Variants in ABCC1 observed in about 807,000 individuals in gnomAD.
ABCC1 encodes multidrug resistance-associated protein 1.
In ABCC1, 83 loss-of-function variants were observed where a neutral mutation model predicts 172.9. The observed-to-expected ratio is 0.48, with a 90% CI of 0.40 to 0.58. The LOEUF (loss-of-function observed/expected upper bound fraction) is 0.58. Among genes scored for constraint, ABCC1 ranks in the 20% least tolerant of loss-of-function variants. ABCC1 has a pLI of 0.00. For synonymous variants in ABCC1, 937 were observed against 825.2 expected (o/e 1.14, Z -2.32); for missense variants, 1,817 against 2,002.7 (o/e 0.91, Z 1.77).
chr16:16,017,623 G>A (rs1414393663), intron 5 of ABCC1, among the ~76,000 whole-genome samples: 1 of 151,724 alleles, frequency 6.6e-6, no homozygotes, highest in South Asian at 2.1e-4. Flanking sequence ...ATGGGGAGAT[G>A]GTCTCAAACC....
At chr16:16,088,364 G>C (rs2051102782) in intron 18 of ABCC1, among the ~76,000 whole-genome samples, 2 of 152,184 alleles carry the variant, frequency 1.3e-5, no homozygotes, top group Non-Finnish European at 2.9e-5. Context: ...AGAATGTCTT[G>C]AACCCGGGAC....
intron 17 of ABCC1, among the ~76,000 whole-genome samples, chr16:16,084,778 G>A (rs1473117359): frequency 3.9e-5 from 6 of 152,056 alleles, no homozygotes; most frequent in Non-Finnish European, 5.9e-5. Flanking sequence ...CTGCCACCAC[G>A]CACAGCTAAT....
chr16:16,047,979 A>G (rs1015335290), intron 9 of ABCC1, among the ~76,000 whole-genome samples, 163 bp from the exon 10 acceptor site: 7 of 152,136 alleles, frequency 4.6e-5, no homozygotes, highest in African/African-American at 7.2e-5. Flanking sequence ...GGGCTTTGAG[A>G]TGACACAGGC....
At chr16:16,045,643 C>T (rs2049174737) in intron 8 of ABCC1, among the ~76,000 whole-genome samples, 193 bp from the exon 9 acceptor site, 1 of 152,124 alleles carries the variant, frequency 6.6e-6, no homozygotes. Context: ...AGGCAGAGGC[C>T]TCTTTTATGA....
intron 25 of ABCC1, 111 bp from the exon 26 acceptor site, chr16:16,125,699 C>G: frequency 2.7e-6 from 2 of 733,840 alleles, no homozygotes; most frequent in Non-Finnish European, 4.4e-6. Context: ...TCCCATAATT[C>G]ATACTTGTTG....
At chr16:16,084,520 C>T (rs1312953295) in intron 17 of ABCC1, among the ~76,000 whole-genome samples, 3 of 148,604 alleles carry the variant, frequency 2.0e-5, no homozygotes, top group Middle Eastern at 3.5e-3. Context: ...CCTGCCACCA[C>T]GCACAGCTAA....
chr16:16,060,897 A>G (rs950712537), intron 12 of ABCC1, among the ~76,000 whole-genome samples: 1 of 151,868 alleles, frequency 6.6e-6, no homozygotes, highest in Non-Finnish European at 1.5e-5. Flanking sequence ...GCTCACTGCA[A>G]TCTCTGCCTC....
chr16:15,971,995 T>C lies in ABCC1; in HGVS notation c.48+22196T>C, dbSNP rs75233215. On this transcript the variant is annotated intron_variant, in intron 1 of 30. Coordinates refer to ENST00000399410, the MANE Select transcript of ABCC1 (RefSeq NM_004996.4). ...GAGACGGAACCTCCAGGAGTTGATTTTATAAATAAAATAACATGCGTTGAG... is the reference window on the plus strand; with the variant it reads ...GAGACGGAACCTCCAGGAGTTGATTCTATAAATAAAATAACATGCGTTGAG... 1.3e-3 allele frequency among the ~76,000 whole-genome samples: 201 copies of C among 152,262 alleles called. 1 individual carries two copies. Among genetic ancestry groups the C allele is most frequent in the African/African-American group, 4.6e-3 (193 of 41,560 alleles).
At chr16:16,087,792 T>G (rs1009019381) in intron 18 of ABCC1, among the ~76,000 whole-genome samples, 1 of 152,016 alleles carries the variant, frequency 6.6e-6, no homozygotes, top group African/African-American at 2.4e-5. Flanking sequence ...CACATCCCCA[T>G]GGGGGGCATA....
chr16:16,122,161 A>G lies in ABCC1; in HGVS notation c.3577A>G (p.Ile1193Val). The G allele has an allele frequency of 6.2e-7, 1 of 1,614,186 alleles. No homozygotes were observed. Among genetic ancestry groups the G allele is most frequent in the Non-Finnish European group, 8.5e-7 (1 of 1,180,022 alleles). The stretch of plus-strand genomic sequence containing the variant: ...GAACCAGAAGGCCTATTACCCCAGC[A>G]TCGTGGCCAACAGGTGGGCATGGTG... ...DENQKAYYPS[I>V]VANRWLAVRL... Residue 1193 changes from isoleucine to valine, a missense_variant, in exon 24 of 31, where the codon ATC becomes GTC. Transcript: ENST00000399410.
chr16:16,035,733 A>C (rs1009358368), intron 6 of ABCC1, among the ~76,000 whole-genome samples: 2 of 151,606 alleles, frequency 1.3e-5, no homozygotes, highest in East Asian at 4.0e-4. Flanking sequence ...GGGCTCACAA[A>C]ATCCTCCCAC....
chr16:16,096,867 T>G (rs945837282), intron 19 of ABCC1, among the ~76,000 whole-genome samples: 1 of 152,076 alleles, frequency 6.6e-6, no homozygotes, highest in Admixed American at 6.5e-5. Context: ...ACCTGGTGGT[T>G]GCATGAACTC....
chr16:15,965,384 C>G (rs2046221030), intron 1 of ABCC1, among the ~76,000 whole-genome samples: 1 of 151,954 alleles, frequency 6.6e-6, no homozygotes, highest in South Asian at 2.1e-4. Flanking sequence ...CTCCGCCTCC[C>G]AGGTTCACGC....
intron 14 of ABCC1, among the ~76,000 whole-genome samples, chr16:16,072,540 G>A (rs1422457376): frequency 1.4e-5 from 2 of 137,982 alleles, no homozygotes; most frequent in Admixed American, 7.5e-5. Flanking sequence ...GTCTTGCTTT[G>A]TTCCTCAAGT....
chr16:16,066,703 A>T (rs2050124685), intron 12 of ABCC1, among the ~76,000 whole-genome samples: 1 of 150,780 alleles, frequency 6.6e-6, no homozygotes, highest in Non-Finnish European at 1.5e-5. Flanking sequence ...GCTCAAGACC[A>T]GCCTGACCAA....
rs1346022967 is a variant in ABCC1 at position 16,134,497 on chromosome 16, A to G, written c.4114A>G (p.Ile1372Val). 2 of 1,614,068 alleles carry G rather than the reference A, an allele frequency of 1.2e-6. No homozygotes were observed. The highest frequency in any genetic ancestry group is 2.2e-5 in the East Asian group (1 of 44,872). ...GLHDLRFKIT[I>V]IPQDPVLFSG... ...GCACGACCTCCGCTTCAAGATCACC[A>G]TCATCCCCCAGGTGGGGTCTGGGTG... The change falls in exon 28 of 31, where the codon ATC (isoleucine) becomes GTC (valine). Residue 1372 changes from isoleucine (I) to valine (V), a missense_variant. By Grantham distance (29) the Ile-to-Val change is conservative. Around this residue, in one of 3 missense-constraint regions of ABCC1, gnomAD observed 1,412 missense variants for 1,600.3 expected, o/e 0.88. Transcript: ENST00000399410.
At chr16:16,084,369 CT>C (rs1315644780) in intron 17 of ABCC1, among the ~76,000 whole-genome samples, 159 of 128,434 alleles carry the variant, frequency 1.2e-3, no homozygotes, top group Admixed American at 2.0e-3. Flanking sequence ...TCTCAAAGTT[CT>C]TTTTTTTTTT....
At chr16:16,013,129 C>G (rs2047855907) in intron 3 of ABCC1, among the ~76,000 whole-genome samples, 1 of 152,174 alleles carries the variant, frequency 6.6e-6, no homozygotes, top group East Asian at 1.9e-4. Context: ...TCCTCAGCCT[C>G]TCTTTATCTA....
At chr16:16,101,827 G>GAATA (rs2051767457) in intron 19 of ABCC1, among the ~76,000 whole-genome samples, 1 of 152,196 alleles carries the variant, frequency 6.6e-6, no homozygotes, top group Non-Finnish European at 1.5e-5. Context: ...ATGTTCCGGT[G>GAATA]ATTATTGTTG....
Sources: gnomAD v4.1 joint callset for allele counts (sites outside exome capture counted in the v4.1 genomes callset) on GRCh38, gnomAD v4.1.1 for gene constraint, gnomAD v4.1.1 regional missense constraint, MANE v1.5 for transcripts, NCBI Gene and HGNC (gene_info 2026-07-23, HGNC 2026-07-21) for gene names.